Variants in TXNDC15 observed in about 807,000 individuals in gnomAD.
TXNDC15 encodes thioredoxin domain-containing protein 15.
In TXNDC15, 24 loss-of-function variants were observed where a neutral mutation model predicts 35.0. The ratio of observed to expected loss-of-function variants is 0.68; its 90% CI spans 0.50 to 0.96. The LOEUF is 0.96. TXNDC15 is among the 40% of genes least tolerant of loss of function. The pLI is 0.00. For synonymous variants in TXNDC15, 169 were observed against 174.0 expected (o/e 0.97, Z 0.23); for missense variants, 385 against 453.3 (o/e 0.85, Z 1.37).
intron 1 of TXNDC15, among the ~76,000 whole-genome samples, chr5:134,881,623 A>G (rs1216615161): frequency 2.9e-5 from 4 of 136,914 alleles, no homozygotes; most frequent in East Asian, 2.2e-4. Flanking sequence ...CGATTTCTCA[A>G]TCTTTTCCCC....
intron 1 of TXNDC15, 29 bp downstream of exon 1, chr5:134,874,559 G>C: frequency 6.4e-7 from 1 of 1,561,134 alleles, no homozygotes; most frequent in Non-Finnish European, 8.7e-7. Flanking sequence ...CGGTGCATGA[G>C]ATGATGGGGC....
rs1449074372 is a variant in TXNDC15, at chr5:134,887,870, G to A, written c.279G>A (p.Met93Ile). 5.6e-6 allele frequency: 9 copies of A among 1,614,226 alleles called. No homozygotes were observed. The highest frequency in any genetic ancestry group is 7.6e-6 in the Non-Finnish European group (9 of 1,180,044). The part of the protein sequence containing the change: ...GLDTQGDHMV[M>I]LSVIPGEAED... ...ACACCCAAGGCGATCACATGGTGATGCTGTCTGTGATTCCTGGGGAAGCTG... is the reference window on the plus strand; with the variant it reads ...ACACCCAAGGCGATCACATGGTGATACTGTCTGTGATTCCTGGGGAAGCTG... Residue 93 changes from methionine to isoleucine, a missense_variant, in exon 2 of 5, where the codon ATG becomes ATA. Met to Ile is a conservative substitution (Grantham distance 10). Transcript: ENST00000358387.
chr5:134,892,754 A>C (rs1159842538), intron 2 of TXNDC15: 1 of 152,172 alleles, frequency 6.6e-6, no homozygotes, highest in Non-Finnish European at 1.5e-5. Context: ...ACTTAAACAG[A>C]GGCCACTGTA....
rs139422391 is a variant in TXNDC15 at position 134,888,956 on chromosome 5, A to C, written c.591+774A>C. Among the ~76,000 whole-genome samples, 600 of 152,322 alleles carry C rather than the reference A, an allele frequency of 3.9e-3. 1 individual carries two copies. The highest frequency in any genetic ancestry group is 6.8e-3 in the Non-Finnish European group (461 of 68,030). On this transcript the variant is annotated intron_variant, in intron 2 of 4. Transcript: ENST00000358387. Reference sequence around the variant, plus strand: ...TGACAATTTCTGTGGGGTGGTTCAGAAAACAGAAGGGTAGGATGCATTCAC... The same window carrying C: ...TGACAATTTCTGTGGGGTGGTTCAGCAAACAGAAGGGTAGGATGCATTCAC...
chr5:134,897,715 C>T (rs1580869974), intron 4 of TXNDC15, among the ~76,000 whole-genome samples: 1 of 152,160 alleles, frequency 6.6e-6, no homozygotes, highest in African/African-American at 2.4e-5. Context: ...CCTGGGTAAC[C>T]ACTCTGATCA....
At position 134,896,652 on chromosome 5, in the gene TXNDC15, T is replaced by C. The variant is rs925492137; in HGVS notation, c.886+228T>C. 1.6e-4 allele frequency among the ~76,000 whole-genome samples: 15 copies of C among 95,182 alleles called. No homozygotes were observed. The East Asian group carries it at 3.5e-3, about 22-fold the overall frequency. 62.4% of individuals were successfully genotyped at this position (95,182 alleles called of 152,430 possible). On this transcript the variant is annotated intron_variant, in intron 4 of 4. Transcript: ENST00000358387. ...TTATTATAGATACTTTTTTTTTCCC[T>C]TTTTTTTTTTTTTTTGAGTCTTGCT...
At position 134,888,125 on chromosome 5, in the gene TXNDC15, G is replaced by C. The variant is rs755874484; in HGVS notation, c.534G>C (p.Glu178Asp). ...ESLKSPKVNC[E>D]ERNITGLENF... ...TGAAATCCCCAAAGGTGAACTGTGA[G>C]GAGAGAAACATTACAGGATTAGAAA... Residue 178 changes from glutamate (E) to aspartate (D), a missense_variant, in exon 2 of 5, where the codon GAG becomes GAC. Transcript: ENST00000358387. 6.2e-7 allele frequency: 1 copy of C among 1,613,618 alleles called. No individual in the cohort carries two copies. The highest frequency in any genetic ancestry group is 8.5e-7 in the Non-Finnish European group (1 of 1,179,694).
intron 2 of TXNDC15, among the ~76,000 whole-genome samples, 156 bp downstream of exon 2, chr5:134,888,338 G>C (rs557090033): frequency 6.6e-6 from 1 of 152,260 alleles, no homozygotes; most frequent in East Asian, 1.9e-4. Context: ...TTTGCCCTCT[G>C]TGATGTTTAT....
intron 1 of TXNDC15, among the ~76,000 whole-genome samples, chr5:134,879,416 A>G (rs1750098103): frequency 6.6e-6 from 1 of 152,312 alleles, no homozygotes; most frequent in African/African-American, 2.4e-5. Flanking sequence ...AAATCTCTGA[A>G]GAACTGTGGT....
chr5:134,890,415 C>CT (rs1049953762), intron 2 of TXNDC15, among the ~76,000 whole-genome samples: 37 of 139,444 alleles, frequency 2.7e-4, no homozygotes, highest in Admixed American at 8.8e-4. Context: ...TCTTTTCTTT[C>CT]TTTTTTTTTT....
At chr5:134,891,349 G>A (rs1461384745) in intron 2 of TXNDC15, among the ~76,000 whole-genome samples, 1 of 152,188 alleles carries the variant, frequency 6.6e-6, no homozygotes, top group Non-Finnish European at 1.5e-5. Context: ...TTCATGGGCT[G>A]CAGAATGGAT....
At chr5:134,895,966 G>A (rs1438866504) in intron 3 of TXNDC15, 1 of 194,264 alleles carries the variant, frequency 5.1e-6, no homozygotes, top group Non-Finnish European at 1.0e-5. Flanking sequence ...TGTCAAATAA[G>A]TTGACACAGT....
At chr5:134,874,668 T>G in intron 1 of TXNDC15, 138 bp downstream of exon 1, 1 of 676,546 alleles carries the variant, frequency 1.5e-6, no homozygotes, top group Non-Finnish European at 2.3e-6. Context: ...TCTCCCCGAC[T>G]TCTCTCCCCG....
At chr5:134,884,449 T>C (rs1191319756) in intron 1 of TXNDC15, among the ~76,000 whole-genome samples, 4 of 151,914 alleles carry the variant, frequency 2.6e-5, no homozygotes, top group African/African-American at 9.7e-5. Context: ...GGTTTCTCCA[T>C]GTTGGTCAGG....
At chr5:134,875,397 T>A (rs1335597760) in intron 1 of TXNDC15, 1 of 456,048 alleles carries the variant, frequency 2.2e-6, no homozygotes, top group African/African-American at 2.0e-5. Context: ...TGGAGAAGGG[T>A]GAGTCATAGT....
At position 134,899,473 on chromosome 5, in the gene TXNDC15, G is replaced by A; in HGVS notation, c.887-16G>A. 1.2e-6 allele frequency: 2 copies of A among 1,603,350 alleles called. No homozygotes were observed. Among genetic ancestry groups the A allele is most frequent in the Non-Finnish European group, 1.7e-6 (2 of 1,177,728 alleles). Reference sequence around the variant, plus strand: ...GCTTTTTCTGCCTGATTTGAAACCAGTGATTTTTCTTTCAGGTATAGAAGC... The same window carrying A: ...GCTTTTTCTGCCTGATTTGAAACCAATGATTTTTCTTTCAGGTATAGAAGC... On this transcript the variant is annotated splice_polypyrimidine_tract_variant and intron_variant, in intron 4 of 4. Transcript: ENST00000358387.
At chr5:134,892,209 T>C (rs1442841299) in intron 2 of TXNDC15, 1 of 152,194 alleles carries the variant, frequency 6.6e-6, no homozygotes, top group African/African-American at 2.4e-5. Context: ...ATGTTGTAGC[T>C]TCTCTATCAG....
Position 134,874,441 on chromosome 5 carries a change from C to T in TXNDC15, c.14C>T (p.Ala5Val). Residue 5 changes from alanine (A) to valine (V), a missense_variant, in exon 1 of 5, where the codon GCC becomes GTC. Physicochemically the swap from Ala to Val is moderately conservative, Grantham distance 64. Coordinates refer to ENST00000358387, the MANE Select transcript of TXNDC15 (RefSeq NM_024715.4). MVPAAGRRPPRVMRL... is the reference protein window; with the variant it reads MVPAVGRRPPRVMRL... The stretch of plus-strand genomic sequence containing the variant: ...TCGGCCTGGGCAATGGTCCCGGCTG[C>T]CGGTCGACGACCGCCCCGCGTCATG... 1.2e-6 allele frequency: 2 copies of T among 1,601,170 alleles called. No homozygotes were observed. Among genetic ancestry groups the T allele is most frequent in the African/African-American group, 2.7e-5 (2 of 73,072 alleles).
chr5:134,896,073 T>C, intron 3 of TXNDC15: 3 of 418,662 alleles, frequency 7.2e-6, no homozygotes, highest in South Asian at 6.1e-5. Flanking sequence ...CATATTATAA[T>C]TGAAAGCAAC....
Sources: allele counts gnomAD v4.1 joint callset (sites outside exome capture counted in the v4.1 genomes callset), GRCh38; gene constraint gnomAD v4.1.1; transcripts MANE v1.5; gene names NCBI Gene and HGNC (gene_info 2026-07-23, HGNC 2026-07-21).